FMNL2: variants seen among roughly 807,000 people sequenced by gnomAD.
FMNL2 encodes the protein formin like 2.
In FMNL2, 51 loss-of-function variants were observed where a neutral mutation model predicts 130.2. That is an observed-to-expected ratio of 0.39 (90% CI 0.31 to 0.49). The LOEUF (loss-of-function observed/expected upper bound fraction) is 0.49. Ranked by LOEUF, FMNL2 falls within the 20% of genes least tolerant of loss-of-function variation. FMNL2 has a pLI of 0.85. For missense variants in FMNL2, 977 were observed against 1,316.2 expected, an observed-to-expected ratio of 0.74 and a Z score of 3.99; for synonymous variants, 465 against 467.1, an observed-to-expected ratio of 1.00 and a Z score of 0.06.
At chr2:152,638,560 A>G (rs1053656354) in intron 23 of FMNL2, among the ~76,000 whole-genome samples, 3 of 152,248 alleles carry the variant, frequency 2.0e-5, no homozygotes, top group Admixed American at 6.5e-5. Flanking sequence ...AAACTCAGAA[A>G]GTCAAAATAT....
At chr2:152,564,855 A>G (rs1695742700) in intron 6 of FMNL2, among the ~76,000 whole-genome samples, 1 of 118,758 alleles carries the variant, frequency 8.4e-6, no homozygotes, top group Non-Finnish European at 1.7e-5. Flanking sequence ...TTTACTTTTT[A>G]ATTATTCAAA....
At chr2:152,569,962 G>C (rs150466167) in intron 6 of FMNL2, among the ~76,000 whole-genome samples, 3,569 of 150,532 alleles carry the variant, frequency 0.024, 63 homozygotes, top group Middle Eastern at 0.063. Context: ...AGTGAGCCAA[G>C]AGTGCATCAT....
chr2:152,427,745 G>A (rs1687271777), intron 1 of FMNL2, among the ~76,000 whole-genome samples: 1 of 152,004 alleles, frequency 6.6e-6, no homozygotes, highest in South Asian at 2.1e-4. Context: ...CAGTATTAAC[G>A]TTTGAGATAA....
intron 2 of FMNL2, among the ~76,000 whole-genome samples, chr2:152,523,692 T>C (rs1240900501): frequency 6.6e-6 from 1 of 152,254 alleles, no homozygotes; most frequent in Non-Finnish European, 1.5e-5. Flanking sequence ...TGCTTTCTCA[T>C]GACTTGACTT....
intron 1 of FMNL2, among the ~76,000 whole-genome samples, chr2:152,377,903 A>G (rs1406645077): frequency 6.6e-6 from 1 of 152,038 alleles, no homozygotes. Flanking sequence ...AGGCTGAGGT[A>G]GGCAAATCGC....
chr2:152,376,392 G>T (rs571650390), intron 1 of FMNL2, among the ~76,000 whole-genome samples: 1 of 152,314 alleles, frequency 6.6e-6, no homozygotes, highest in East Asian at 1.9e-4. Context: ...GAGGCTTCTA[G>T]GACTGGGATC....
At chr2:152,426,938 A>G (rs1436021961) in intron 1 of FMNL2, among the ~76,000 whole-genome samples, 1 of 152,236 alleles carries the variant, frequency 6.6e-6, no homozygotes, top group Non-Finnish European at 1.5e-5. Context: ...TAAAAAATCA[A>G]GCATTTGTGG....
At chr2:152,607,507 A>AGT (rs1491371455) in intron 10 of FMNL2, 94 bp downstream of exon 10, 1 of 797,988 alleles carries the variant, frequency 1.3e-6, no homozygotes, top group South Asian at 1.7e-5. Context: ...ACACACACAC[A>AGT]TATTTATATT....
chr2:152,499,898 G>A (rs954757460), intron 1 of FMNL2, among the ~76,000 whole-genome samples: 1 of 152,194 alleles, frequency 6.6e-6, no homozygotes. Flanking sequence ...GGAGAAATAA[G>A]TTGTACTGTG....
intron 12 of FMNL2, among the ~76,000 whole-genome samples, chr2:152,616,120 G>A (rs1698931381): frequency 6.6e-6 from 1 of 152,044 alleles, no homozygotes; most frequent in Non-Finnish European, 1.5e-5. Context: ...TACTTGTAAT[G>A]AATTTAAAGG....
At chr2:152,533,337 T>A (rs2577185) in intron 2 of FMNL2, among the ~76,000 whole-genome samples, 1 of 152,000 alleles carries the variant, frequency 6.6e-6, no homozygotes, top group South Asian at 2.1e-4. Flanking sequence ...TTATCTAACT[T>A]TACCTCCAAC....
chr2:152,357,770 A>G (rs1442912472), intron 1 of FMNL2, among the ~76,000 whole-genome samples: 1 of 152,248 alleles, frequency 6.6e-6, no homozygotes, highest in Non-Finnish European at 1.5e-5. Context: ...AAATGTTGCA[A>G]CCAGAGGCTC....
intron 1 of FMNL2, among the ~76,000 whole-genome samples, chr2:152,442,489 T>C (rs1688105357): frequency 6.6e-6 from 1 of 152,102 alleles, no homozygotes; most frequent in African/African-American, 2.4e-5. Flanking sequence ...CCTCAGGTAA[T>C]CCACCCACCT....
chr2:152,372,870 A>G (rs1683961159), intron 1 of FMNL2, among the ~76,000 whole-genome samples: 1 of 152,220 alleles, frequency 6.6e-6, no homozygotes, highest in Admixed American at 6.5e-5. Flanking sequence ...TCTGAGAGGC[A>G]CATACTGATT....
intron 6 of FMNL2, among the ~76,000 whole-genome samples, chr2:152,566,443 G>A (rs916307846): frequency 1.3e-5 from 2 of 152,150 alleles, no homozygotes; most frequent in African/African-American, 4.8e-5. Context: ...ACTGGGGCCT[G>A]AAGTAGTAGT....
intron 6 of FMNL2, 137 bp downstream of exon 6, chr2:152,561,172 G>A: frequency 1.1e-6 from 1 of 900,228 alleles, no homozygotes; most frequent in Non-Finnish European, 1.6e-6. Context: ...CTAAATGAAT[G>A]TTTCTTTAGG....
chr2:152,507,064 G>A lies in FMNL2; in HGVS notation c.118-14879G>A, dbSNP rs1220312033. Among the ~76,000 whole-genome samples, 3 of 152,210 alleles carry A rather than the reference G, an allele frequency of 2.0e-5. No individual in the cohort carries two copies. The East Asian group carries it at 5.8e-4, about 29-fold the overall frequency. ...GAAAGGAAATGTTGCGTGACTCAGG[G>A]TAGAAACTTGAACCACCTCAGGCTA... On this transcript the variant is annotated intron_variant, in intron 1 of 25. Coordinates refer to ENST00000288670, the MANE Select transcript of FMNL2 (RefSeq NM_052905.4).
At chr2:152,486,710 T>A (rs748583784) in intron 1 of FMNL2, among the ~76,000 whole-genome samples, 5 of 152,222 alleles carry the variant, frequency 3.3e-5, no homozygotes, top group Admixed American at 6.5e-5. Flanking sequence ...ATTAAGAGGC[T>A]TGAACGTGGC....
intron 6 of FMNL2, among the ~76,000 whole-genome samples, chr2:152,573,992 A>G (rs115406221): frequency 6.8e-4 from 104 of 152,358 alleles, no homozygotes; most frequent in African/African-American, 2.5e-3. Flanking sequence ...GAAGTAGAAT[A>G]TTATTCTAAT....
Sources: gnomAD v4.1 joint callset for allele counts (sites outside exome capture counted in the v4.1 genomes callset) on GRCh38, gnomAD v4.1.1 for gene constraint, MANE v1.5 for transcripts, NCBI Gene and HGNC (gene_info 2026-07-23, HGNC 2026-07-21) for gene names.